The following NEBL variants were observed in gnomAD, a reference collection of about 807,000 sequenced individuals.
NEBL encodes the protein LIM and SH3 protein 2.
Under a neutral mutation model 140.2 loss-of-function variants are expected in NEBL, and 122 were observed. The observed-to-expected ratio is 0.87, with a 90% confidence interval of 0.75 to 1.01. NEBL has a LOEUF of 1.01. NEBL is among the 50% of genes least tolerant of loss of function. The pLI, the probability that NEBL is intolerant of heterozygous loss-of-function variation, is 0.00. For synonymous variants in NEBL, 436 were observed against 398.9 expected, an observed-to-expected ratio of 1.09 and a Z score of -1.11; for missense variants, 1,365 against 1,231.3, an observed-to-expected ratio of 1.11 and a Z score of -1.62.
intron 2 of NEBL, among the ~76,000 whole-genome samples, chr10:21,130,925 C>A (rs1256251704): frequency 1.3e-5 from 2 of 151,378 alleles, no homozygotes; most frequent in East Asian, 3.9e-4. Flanking sequence ...GCAGGGACTC[C>A]ATACAGAAAA....
At chr10:20,962,130 T>C (rs944324404) in intron 3 of NEBL, among the ~76,000 whole-genome samples, 1 of 152,200 alleles carries the variant, frequency 6.6e-6, no homozygotes, top group Non-Finnish European at 1.5e-5. Flanking sequence ...TACTCCATAA[T>C]AGTTATTATG....
intron 3 of NEBL, among the ~76,000 whole-genome samples, chr10:20,997,374 C>CA (rs1250487941): frequency 6.7e-6 from 1 of 150,164 alleles, no homozygotes; most frequent in Non-Finnish European, 1.5e-5. Context: ...ATGGCACTGC[C>CA]AAGGGGGGCA....
chr10:20,956,188 G>C (rs933949601), intron 4 of NEBL, among the ~76,000 whole-genome samples: 1 of 152,112 alleles, frequency 6.6e-6, no homozygotes, highest in Admixed American at 6.6e-5. Flanking sequence ...AGGACCAAGA[G>C]GTAATTTTCC....
At chr10:21,037,127 T>C (rs898163421) in intron 2 of NEBL, among the ~76,000 whole-genome samples, 1 of 152,094 alleles carries the variant, frequency 6.6e-6, no homozygotes, top group African/African-American at 2.4e-5. Context: ...CCATTGCAAC[T>C]GAAACCCATT....
chr10:21,090,638 T>C (rs1836869246), intron 2 of NEBL, among the ~76,000 whole-genome samples: 1 of 152,212 alleles, frequency 6.6e-6, no homozygotes, highest in South Asian at 2.1e-4. Context: ...TTTATTTTGG[T>C]ACTTATCCAA....
At chr10:20,851,054 CAT>C (rs1308566410) in intron 10 of NEBL, among the ~76,000 whole-genome samples, 1 of 152,140 alleles carries the variant, frequency 6.6e-6, no homozygotes, top group Non-Finnish European at 1.5e-5. Context: ...TATTTAATAT[CAT>C]ATTATGAAAT....
At chr10:21,137,278 A>C (rs1839396070) in intron 2 of NEBL, among the ~76,000 whole-genome samples, 1 of 152,250 alleles carries the variant, frequency 6.6e-6, no homozygotes, top group African/African-American at 2.4e-5. Context: ...CTGGTACTTA[A>C]TAGTAATTGG....
chr10:21,288,820 G>GTGTGTATATATATATATATA (rs1477748950), intron 1 of NEBL, among the ~76,000 whole-genome samples: 39 of 35,002 alleles, frequency 1.1e-3, no homozygotes, highest in African/African-American at 3.7e-3. Context: ...GTGTGTGTGT[G>GTGTGTATATATATATATATA]TATATATATA....
At chr10:20,981,287 A>G (rs1398041400) in intron 3 of NEBL, among the ~76,000 whole-genome samples, 1 of 151,468 alleles carries the variant, frequency 6.6e-6, no homozygotes, top group Non-Finnish European at 1.5e-5. Flanking sequence ...GGCTTCAAAC[A>G]CTAATACAGG....
intron 2 of NEBL, among the ~76,000 whole-genome samples, chr10:21,161,663 T>A (rs1235716319): frequency 1.3e-5 from 2 of 152,114 alleles, no homozygotes; most frequent in Non-Finnish European, 2.9e-5. Flanking sequence ...CTATTTCTAA[T>A]CTTCCCCAAC....
At chr10:21,146,082 G>C (rs571859309) in intron 2 of NEBL, among the ~76,000 whole-genome samples, 1 of 152,262 alleles carries the variant, frequency 6.6e-6, no homozygotes, top group African/African-American at 2.4e-5. Flanking sequence ...ACCATGAATA[G>C]GGAAAAATTC....
At chr10:20,836,616 G>A (rs183607273) in intron 13 of NEBL, among the ~76,000 whole-genome samples, 44 of 152,224 alleles carry the variant, frequency 2.9e-4, no homozygotes, top group Non-Finnish European at 5.6e-4. Flanking sequence ...AAGAGCATGC[G>A]CTGGGGTGGA....
At chr10:20,946,618 C>T (rs1048169353) in intron 4 of NEBL, among the ~76,000 whole-genome samples, 4 of 152,166 alleles carry the variant, frequency 2.6e-5, no homozygotes, top group Admixed American at 1.3e-4. Context: ...CACGTCACCA[C>T]ACCCAGATAA....
chr10:21,289,817 G>A (rs1027375799), intron 1 of NEBL, among the ~76,000 whole-genome samples: 2 of 152,178 alleles, frequency 1.3e-5, no homozygotes, highest in African/African-American at 4.8e-5. Flanking sequence ...TACAGTCAAA[G>A]GGCAAACCCA....
intron 2 of NEBL, among the ~76,000 whole-genome samples, chr10:21,119,440 T>C (rs1838423229): frequency 2.6e-5 from 3 of 117,600 alleles, no homozygotes; most frequent in Admixed American, 2.5e-4. Context: ...ATATAACATA[T>C]ATAGTTATAT....
chr10:20,885,379 G>A (rs1468332599), intron 4 of NEBL, among the ~76,000 whole-genome samples: 2 of 152,162 alleles, frequency 1.3e-5, no homozygotes, highest in Admixed American at 6.5e-5. Flanking sequence ...CAAAGTCTAG[G>A]TTTTTCTTTA....
intron 1 of NEBL, among the ~76,000 whole-genome samples, chr10:21,283,247 C>T (rs1843014497): frequency 6.6e-6 from 1 of 152,116 alleles, no homozygotes; most frequent in South Asian, 2.1e-4. Context: ...CCCATTAGCG[C>T]CATGACGGTT....
At chr10:20,917,433 G>A (rs867609327) in intron 4 of NEBL, among the ~76,000 whole-genome samples, 70 of 152,208 alleles carry the variant, frequency 4.6e-4, no homozygotes, top group African/African-American at 1.5e-3. Flanking sequence ...CAGAAGCAAA[G>A]GGTAGAAGGA....
At chr10:21,082,087 T>C (rs1123796) in intron 2 of NEBL, among the ~76,000 whole-genome samples, 96,597 of 151,928 alleles carry the variant, frequency 0.64, 33,333 homozygotes, top group Middle Eastern at 0.83. Context: ...CTGCCAACCA[T>C]GCCTAACCTG....
Sources: allele counts gnomAD v4.1 joint callset (sites outside exome capture counted in the v4.1 genomes callset), GRCh38; gene constraint gnomAD v4.1.1; transcripts MANE v1.5; gene names NCBI Gene and HGNC (gene_info 2026-07-23, HGNC 2026-07-21).